SMAD9: variants seen among roughly 807,000 people sequenced by gnomAD.
SMAD9 encodes the protein SMAD family member 9.
SMAD9 carries 36 observed loss-of-function variants against 46.1 expected under a neutral mutation model. The ratio of observed to expected loss-of-function variants is 0.78; its 90% CI spans 0.60 to 1.03. SMAD9 has a LOEUF of 1.03. Ranked by LOEUF, SMAD9 falls within the 50% of genes least tolerant of loss-of-function variation. The pLI is 0.00. For missense variants in SMAD9, 572 were observed against 599.8 expected (o/e 0.95, Z 0.48); for synonymous variants, 245 against 237.1 (o/e 1.03, Z -0.31).
intron 3 of SMAD9, among the ~76,000 whole-genome samples, chr13:36,871,516 T>G (rs992504411): frequency 6.8e-6 from 1 of 147,722 alleles, no homozygotes; most frequent in African/African-American, 2.7e-5. Flanking sequence ...AGACTCCGTC[T>G]CAAAATAAAA....
rs952585408 is a variant in SMAD9, at chr13:36,859,445, T to C, written c.1004-5770A>G. 2.0e-5 allele frequency among the ~76,000 whole-genome samples: 3 copies of C among 152,178 alleles called. No homozygotes were observed. The East Asian group carries it at 5.8e-4, about 29-fold the overall frequency. ...TAGGATGAGATAGGTTGGCACAAGATACAGGTCATAAACACCTTGCTGATG... is the reference window on the plus strand; with the variant it reads ...TAGGATGAGATAGGTTGGCACAAGACACAGGTCATAAACACCTTGCTGATG... On this transcript the variant is annotated intron_variant, in intron 5 of 6. Transcript: ENST00000379826.
At chr13:36,857,990 TTAGATA>T (rs2058142950) in intron 5 of SMAD9, among the ~76,000 whole-genome samples, 1 of 152,180 alleles carries the variant, frequency 6.6e-6, no homozygotes, top group African/African-American at 2.4e-5. Flanking sequence ...TCTTATATAG[TTAGATA>T]TAAACTCCAA....
intron 2 of SMAD9, 73 bp downstream of exon 2, chr13:36,879,205 C>T (rs187922714): frequency 3.7e-5 from 47 of 1,274,192 alleles, no homozygotes; most frequent in Non-Finnish European, 5.2e-5. Context: ...TGCTGGTGCC[C>T]CATCATTCTC....
chr13:36,871,427 A>G (rs1171365330), intron 3 of SMAD9, among the ~76,000 whole-genome samples: 2 of 152,194 alleles, frequency 1.3e-5, no homozygotes, highest in Non-Finnish European at 2.9e-5. Context: ...CTGAGGTGGG[A>G]GAATTGCTTG....
intron 6 of SMAD9, among the ~76,000 whole-genome samples, chr13:36,852,716 T>C (rs1593547070): frequency 6.6e-6 from 1 of 152,244 alleles, no homozygotes; most frequent in East Asian, 1.9e-4. Context: ...TGTGCCTGTA[T>C]GCTTTCTAAG....
Position 36,867,359 on chromosome 13 carries a change from T to A in SMAD9, c.695A>T (p.His232Leu). The A allele has an allele frequency of 6.4e-7, 1 of 1,550,880 alleles. No individual in the cohort carries two copies. The highest frequency in any genetic ancestry group is 8.7e-7 in the Non-Finnish European group (1 of 1,146,588). Residue 232 changes from histidine to leucine, a missense_variant, in exon 4 of 7, where the codon CAT (histidine) becomes CTT (leucine). By Grantham distance (99) the His-to-Leu change is moderately conservative (BLOSUM62 -3). Transcript: ENST00000379826. ...CTGGGTCTCAGAGGCTTCTGTGGCATGATAAGGCAGGGGTGGTGTGTCAAC... is the reference window on the plus strand; with the variant it reads ...CTGGGTCTCAGAGGCTTCTGTGGCAAGATAAGGCAGGGGTGGTGTGTCAAC... ...HSVDTPPLPYHATEASETQSG... is the reference protein window; with the variant it reads ...HSVDTPPLPYLATEASETQSG...
intron 1 of SMAD9, among the ~76,000 whole-genome samples, chr13:36,880,451 ATCT>A (rs1198426950): frequency 1.3e-5 from 2 of 152,238 alleles, no homozygotes; most frequent in Non-Finnish European, 2.9e-5. Context: ...CAAGCAATCC[ATCT>A]TCTTGTAGAA....
chr13:36,879,947 A>ACGGCGACCACC, intron 1 of SMAD9, 72 bp from the exon 2 acceptor site: 4 of 478,204 alleles, frequency 8.4e-6, no homozygotes, highest in Admixed American at 3.4e-5. Flanking sequence ...TTGGATAGAA[A>ACGGCGACCACC]GAGGCAATCT....
At chr13:36,868,470 TGGCTC>T (rs2058257264) in intron 3 of SMAD9, among the ~76,000 whole-genome samples, 1 of 152,200 alleles carries the variant, frequency 6.6e-6, no homozygotes, top group Non-Finnish European at 1.5e-5. Context: ...CTGAGCACAG[TGGCTC>T]ACACCTGTAA....
intron 5 of SMAD9, 36 bp downstream of exon 5, chr13:36,865,501 G>A: frequency 6.5e-7 from 1 of 1,544,080 alleles, no homozygotes; most frequent in Non-Finnish European, 8.9e-7. Flanking sequence ...CTACATTTCG[G>A]CTAGATGACT....
intron 1 of SMAD9, among the ~76,000 whole-genome samples, chr13:36,898,883 T>A (rs2058551187): frequency 6.6e-6 from 1 of 152,202 alleles, no homozygotes; most frequent in Admixed American, 6.5e-5. Context: ...CTCTCACCAC[T>A]GCTATTCATG....
intron 1 of SMAD9, among the ~76,000 whole-genome samples, chr13:36,901,789 T>C (rs893704323): frequency 6.6e-6 from 1 of 152,220 alleles, no homozygotes; most frequent in Non-Finnish European, 1.5e-5. Flanking sequence ...TTGCTGTCCA[T>C]TTGTATGTCT....
intron 1 of SMAD9, among the ~76,000 whole-genome samples, chr13:36,893,661 C>T (rs2138590175): frequency 6.6e-6 from 1 of 151,540 alleles, no homozygotes; most frequent in Middle Eastern, 3.4e-3. Flanking sequence ...TAGTGAAAAA[C>T]AGCAGAGCCT....
At chr13:36,867,604 TTCCC>T (rs2058248073) in intron 3 of SMAD9, among the ~76,000 whole-genome samples, 1 of 152,172 alleles carries the variant, frequency 6.6e-6, no homozygotes. Context: ...TCAATTCATT[TTCCC>T]TCCGACTTTT....
intron 1 of SMAD9, among the ~76,000 whole-genome samples, chr13:36,910,322 G>A (rs1231060395): frequency 1.3e-5 from 2 of 152,064 alleles, no homozygotes; most frequent in Non-Finnish European, 2.9e-5. Flanking sequence ...GAAGAGGGAG[G>A]GATGAAAACA....
rs2058593753 is a variant in SMAD9 at position 36,903,357 on chromosome 13, C to G, written c.-187+16759G>C. 4.6e-5 allele frequency among the ~76,000 whole-genome samples: 7 copies of G among 152,068 alleles called. No homozygotes were observed. The South Asian group carries it at 1.5e-3, about 32-fold the overall frequency. ...GGTCAGGCTGGTCTTGAACTCCTGACCTCGTGAACCACCTGCCTCGGCCTC... is the reference window on the plus strand; with the variant it reads ...GGTCAGGCTGGTCTTGAACTCCTGAGCTCGTGAACCACCTGCCTCGGCCTC... On this transcript the variant is annotated intron_variant, in intron 1 of 6. Transcript: ENST00000379826.
At chr13:36,898,952 T>C (rs867041759) in intron 1 of SMAD9, among the ~76,000 whole-genome samples, 3 of 151,798 alleles carry the variant, frequency 2.0e-5, no homozygotes, top group Non-Finnish European at 4.4e-5. Flanking sequence ...AATACAAGCA[T>C]AAAGATTAGA....
chr13:36,856,508 C>T (rs190507802), intron 5 of SMAD9, among the ~76,000 whole-genome samples: 2 of 152,158 alleles, frequency 1.3e-5, no homozygotes, highest in African/African-American at 2.4e-5. Flanking sequence ...GACCAGCATG[C>T]GGAGCCCGCC....
chr13:36,888,563 A>T (rs1243611607), intron 1 of SMAD9, among the ~76,000 whole-genome samples: 1 of 152,174 alleles, frequency 6.6e-6, no homozygotes, highest in African/African-American at 2.4e-5. Context: ...CCAGAGCTGG[A>T]TAAAGAGGCA....
Sources: allele counts gnomAD v4.1 joint callset (sites outside exome capture counted in the v4.1 genomes callset), GRCh38; gene constraint gnomAD v4.1.1; transcripts MANE v1.5; gene names NCBI Gene and HGNC (gene_info 2026-07-23, HGNC 2026-07-21).